SLC2A13: variants seen among roughly 807,000 people sequenced by gnomAD.
The protein encoded by SLC2A13 is proton myo-inositol cotransporter.
A neutral mutation model predicts 64.4 loss-of-function variants in SLC2A13; 32 were observed. That is an observed-to-expected ratio of 0.50 (90% CI 0.37 to 0.67). The LOEUF (loss-of-function observed/expected upper bound fraction) is 0.67, where lower values mean the gene tolerates loss of function less well. Among genes scored for constraint, SLC2A13 ranks in the 30% least tolerant of loss-of-function variants. SLC2A13 has a pLI of 0.00. For synonymous variants in SLC2A13, 338 were observed against 327.1 expected, an observed-to-expected ratio of 1.03 and a Z score of -0.36; for missense variants, 743 against 829.2, an observed-to-expected ratio of 0.90 and a Z score of 1.28.
rs1324213349 is a variant in SLC2A13, at chr12:39,755,356, A to G, written c.*4670T>C. 3.3e-5 allele frequency: 5 copies of G among 152,098 alleles called. No individual in the cohort carries two copies. Among genetic ancestry groups the G allele is most frequent in the East Asian group, 1.9e-4 (1 of 5,268 alleles). 9.4% of individuals were successfully genotyped at this position (152,098 alleles called of 1,614,324 possible). ...ATAACATGCACTCAGAAATTAAAAT[A>G]TACAGTTTGAAATACATATATTTTA... On this transcript the variant is annotated 3_prime_UTR_variant, in exon 10 of 10. Coordinates refer to ENST00000280871, the MANE Select transcript of SLC2A13 (RefSeq NM_052885.4).
chr12:39,786,400 G>GATTCTGAGGCCTCCCCAGCCATGT (rs60835552), intron 7 of SLC2A13, among the ~76,000 whole-genome samples: 1 of 152,160 alleles, frequency 6.6e-6, no homozygotes, highest in Non-Finnish European at 1.5e-5. Context: ...CCCCAGCCAT[G>GATTCTGAGGCCTCCCCAGCCATGT]TGGAACTGTG....
intron 3 of SLC2A13, among the ~76,000 whole-genome samples, chr12:39,955,232 C>G (rs1946296052): frequency 6.6e-6 from 1 of 151,972 alleles, no homozygotes; most frequent in Admixed American, 6.6e-5. Flanking sequence ...GAAAACATCC[C>G]CCAAATTGGA....
chr12:39,916,671 A>C (rs2136048724), intron 4 of SLC2A13, among the ~76,000 whole-genome samples: 1 of 152,268 alleles, frequency 6.6e-6, no homozygotes, highest in Non-Finnish European at 1.5e-5. Context: ...TTTGGCTCGC[A>C]ACATCATTAT....
At position 39,764,726 on chromosome 12, in the gene SLC2A13, T is replaced by A; in HGVS notation, c.1567+11A>T. On this transcript the variant is annotated intron_variant, in intron 8 of 9. Coordinates refer to ENST00000280871, the MANE Select transcript of SLC2A13 (RefSeq NM_052885.4). The stretch of plus-strand genomic sequence containing the variant: ...CAATTAATGCAACAGTATAACAAAG[T>A]CTTTGTTTACCAGGTGCAAAGAAGA... 1.9e-6 allele frequency: 3 copies of A among 1,611,094 alleles called. No homozygotes were observed. The highest frequency in any genetic ancestry group is 2.5e-6 in the Non-Finnish European group (3 of 1,178,906).
Position 39,830,166 on chromosome 12 carries a change from G to A in SLC2A13, c.1382C>T (p.Thr461Ile). Residue 461 changes from threonine to isoleucine, a missense_variant, in exon 7 of 10, where the codon ACT (threonine) becomes ATT (isoleucine). Physicochemically the swap from Thr to Ile is moderately conservative, Grantham distance 89 (BLOSUM62 -1). Coordinates refer to ENST00000280871, the MANE Select transcript of SLC2A13 (RefSeq NM_052885.4). Reference sequence around the variant, plus strand: ...TGGAACACAGGAGGAGTCAATGACAGTTGATTTGTTCATCTTGTAGCAGAA... The same window carrying A: ...TGGAACACAGGAGGAGTCAATGACAATTGATTTGTTCATCTTGTAGCAGAA... Reference protein sequence around the residue: ...CGFCYKMNKSTVIDSSCVPVN... With the variant: ...CGFCYKMNKSIVIDSSCVPVN... The A allele has an allele frequency of 1.2e-6, 2 of 1,613,718 alleles. No individual in the cohort carries two copies. The highest frequency in any genetic ancestry group is 1.1e-5 in the South Asian group (1 of 91,080).
chr12:39,981,307 C>A (rs1293855798), intron 3 of SLC2A13, among the ~76,000 whole-genome samples: 3 of 151,496 alleles, frequency 2.0e-5, no homozygotes, highest in African/African-American at 4.9e-5. Context: ...TAGCAGAAGG[C>A]AAGAAATAAC....
At chr12:39,812,826 T>C (rs1468262570) in intron 7 of SLC2A13, among the ~76,000 whole-genome samples, 1 of 147,276 alleles carries the variant, frequency 6.8e-6, no homozygotes, top group African/African-American at 2.5e-5. Context: ...ATTTAGTTTG[T>C]AGTATTACCT....
chr12:40,012,649 T>C (rs1439856738), intron 3 of SLC2A13, among the ~76,000 whole-genome samples: 1 of 152,246 alleles, frequency 6.6e-6, no homozygotes, highest in Non-Finnish European at 1.5e-5. Context: ...CTTCTACCTT[T>C]TACTGCTCTG....
chr12:39,843,021 TA>T (rs1009207128), intron 6 of SLC2A13, among the ~76,000 whole-genome samples: 1 of 151,854 alleles, frequency 6.6e-6, no homozygotes, highest in Non-Finnish European at 1.5e-5. Context: ...GCTGATGGGG[TA>T]TTTGGGTTAT....
intron 3 of SLC2A13, among the ~76,000 whole-genome samples, chr12:39,981,242 C>G (rs1406118487): frequency 6.7e-6 from 1 of 150,078 alleles, no homozygotes. Flanking sequence ...AAAATTGACA[C>G]CCTAACATCA....
intron 1 of SLC2A13, among the ~76,000 whole-genome samples, chr12:40,102,647 AT>A (rs1356002033): frequency 6.6e-6 from 1 of 152,218 alleles, no homozygotes; most frequent in Non-Finnish European, 1.5e-5. Flanking sequence ...CATTTCCTAA[AT>A]ATCATAAGGA....
rs1272156170 is a variant in SLC2A13, at chr12:39,845,818, T to A, written c.1320-15590A>T. ...CCAATAGGAATTAGGGAAGTGGTGTTGGGGTGGGTCAAAATACCAATGTTA... is the reference window on the plus strand; with the variant it reads ...CCAATAGGAATTAGGGAAGTGGTGTAGGGGTGGGTCAAAATACCAATGTTA... On this transcript the variant is annotated intron_variant, in intron 6 of 9. Transcript: ENST00000280871. Among the ~76,000 whole-genome samples the A allele has an allele frequency of 2.6e-5, 4 of 152,202 alleles. No homozygotes were observed. The East Asian group carries it at 7.7e-4, about 29-fold the overall frequency.
intron 3 of SLC2A13, among the ~76,000 whole-genome samples, chr12:40,004,710 C>G (rs1947383534): frequency 6.6e-6 from 1 of 151,818 alleles, no homozygotes; most frequent in African/African-American, 2.4e-5. Flanking sequence ...TTTTGGCTCC[C>G]CAAAAGCTTA....
intron 1 of SLC2A13, among the ~76,000 whole-genome samples, chr12:40,072,770 T>C (rs1018814888): frequency 3.3e-5 from 5 of 152,150 alleles, no homozygotes; most frequent in African/African-American, 1.2e-4. Context: ...TTAAAGAGTT[T>C]CATATAGACA....
At chr12:40,030,814 T>C (rs1454839378) in intron 2 of SLC2A13, among the ~76,000 whole-genome samples, 2 of 152,118 alleles carry the variant, frequency 1.3e-5, no homozygotes, top group Admixed American at 1.3e-4. Flanking sequence ...CTGTGTTTCT[T>C]AAGTGAGCTA....
rs144931720 is a variant in SLC2A13 at position 39,961,765 on chromosome 12, C to T, written c.926-10400G>A. Among the ~76,000 whole-genome samples the T allele has an allele frequency of 4.8e-3, 725 of 150,814 alleles. 9 individuals carry two copies. The highest frequency in any genetic ancestry group is 0.016 in the African/African-American group (661 of 40,986). On this transcript the variant is annotated intron_variant, in intron 3 of 9. Coordinates refer to ENST00000280871, the MANE Select transcript of SLC2A13 (RefSeq NM_052885.4). ...ATCCTCCTGCCTCACCCTCCCAAAG[C>T]GCTGTGATTACAGGTGTGAGCCGCC... is the stretch of plus-strand genomic sequence containing the variant.
chr12:40,096,153 T>C (rs931236278), intron 1 of SLC2A13, among the ~76,000 whole-genome samples: 65 of 151,556 alleles, frequency 4.3e-4, no homozygotes, highest in African/African-American at 1.6e-3. Context: ...ATGGTCTCGA[T>C]CTCCTGACCT....
At chr12:40,071,545 G>A (rs1937957793) in intron 1 of SLC2A13, among the ~76,000 whole-genome samples, 1 of 152,060 alleles carries the variant, frequency 6.6e-6, no homozygotes. Context: ...CATTCCCTCT[G>A]CCTCTACCTT....
chr12:40,028,378 C>G lies in SLC2A13; in HGVS notation c.848G>C (p.Arg283Pro). ...TTCCTCATCAATGGTCTGGTTACCACGCATCTGAGATAAAATTCTACGGGC... is the reference window on the plus strand; with the variant it reads ...TTCCTCATCAATGGTCTGGTTACCAGGCATCTGAGATAAAATTCTACGGGC... ...QKARRILSQMRGNQTIDEEYD... is the reference protein window; with the variant it reads ...QKARRILSQMPGNQTIDEEYD... Residue 283 changes from arginine (R) to proline (P), a missense_variant, in exon 3 of 10, where the codon CGT becomes CCT. By Grantham distance (103) the Arg-to-Pro change is moderately radical. Coordinates refer to ENST00000280871, the MANE Select transcript of SLC2A13 (RefSeq NM_052885.4). 6.2e-7 allele frequency: 1 copy of G among 1,613,996 alleles called. No homozygotes were observed. The highest frequency in any genetic ancestry group is 1.1e-5 in the South Asian group (1 of 91,068).
Sources: allele counts gnomAD v4.1 joint callset (sites outside exome capture counted in the v4.1 genomes callset), GRCh38; gene constraint gnomAD v4.1.1; transcripts MANE v1.5; gene names NCBI Gene and HGNC (gene_info 2026-07-23, HGNC 2026-07-21).